The following ADGRV1 variants were observed in gnomAD, a reference collection of about 807,000 sequenced individuals.
The protein encoded by ADGRV1 is adhesion G protein-coupled receptor V1.
ADGRV1 carries 359 observed loss-of-function variants against 596.2 expected under a neutral mutation model. The observed-to-expected ratio is 0.60, with a 90% CI of 0.55 to 0.66. The LOEUF is 0.66. ADGRV1 is among the 30% of genes least tolerant of loss of function. The pLI is 0.00. For synonymous variants in ADGRV1, 2,681 were observed against 2,679.2 expected (o/e 1.00, Z -0.02); for missense variants, 7,274 against 7,575.6 (o/e 0.96, Z 1.48).
intron 42 of ADGRV1, among the ~76,000 whole-genome samples, chr5:90,712,995 T>TAAGAAAGAGACAAAGGAG (rs1749580174): frequency 6.6e-6 from 1 of 151,976 alleles, no homozygotes. Flanking sequence ...TTAGAGAAGG[T>TAAGAAAGAGACAAAGGAG]AAGAAAGAGA....
chr5:91,007,388 T>G (rs947325937), intron 85 of ADGRV1, among the ~76,000 whole-genome samples: 4 of 149,684 alleles, frequency 2.7e-5, no homozygotes, highest in African/African-American at 7.5e-5. Flanking sequence ...ATTCTTTTCC[T>G]CCTTTGATCT....
At chr5:91,130,051 T>C (rs1161496903) in intron 87 of ADGRV1, among the ~76,000 whole-genome samples, 1 of 152,152 alleles carries the variant, frequency 6.6e-6, no homozygotes, top group African/African-American at 2.4e-5. Flanking sequence ...GGATTGGTGG[T>C]CAGAAGTTGG....
At chr5:90,687,974 T>C (rs756169472) in intron 29 of ADGRV1, among the ~76,000 whole-genome samples, 3 of 152,080 alleles carry the variant, frequency 2.0e-5, no homozygotes, top group African/African-American at 7.2e-5. Flanking sequence ...GCCATACTGC[T>C]CAAGGTAATT....
chr5:90,659,815 G>T (rs1170674706), intron 21 of ADGRV1, among the ~76,000 whole-genome samples: 1 of 152,092 alleles, frequency 6.6e-6, no homozygotes, highest in African/African-American at 2.4e-5. Flanking sequence ...GGCGGATCAT[G>T]AGGTCAGAAG....
intron 85 of ADGRV1, among the ~76,000 whole-genome samples, chr5:91,066,602 G>A (rs1320193789): frequency 1.3e-5 from 2 of 152,160 alleles, no homozygotes; most frequent in Admixed American, 1.3e-4. Context: ...CATAATTTGG[G>A]GATGTGGAAT....
chr5:90,710,597 AT>A (rs1001635929), intron 39 of ADGRV1, among the ~76,000 whole-genome samples: 25 of 145,334 alleles, frequency 1.7e-4, no homozygotes, highest in Admixed American at 6.2e-4. Flanking sequence ...TTTATTTTTC[AT>A]TTTTTTTTGC....
At chr5:91,073,977 C>T (rs1435559343) in intron 86 of ADGRV1, among the ~76,000 whole-genome samples, 1 of 152,164 alleles carries the variant, frequency 6.6e-6, no homozygotes, top group Non-Finnish European at 1.5e-5. Context: ...GGATGACAGG[C>T]GTGAGCCACC....
At chr5:90,558,997 A>C in intron 1 of ADGRV1, 80 bp downstream of exon 1, 5 of 1,301,570 alleles carry the variant, frequency 3.8e-6, no homozygotes, top group Non-Finnish European at 5.2e-6. Flanking sequence ...CTGTTGCTGC[A>C]GGTGGGCGGC....
intron 1 of ADGRV1, among the ~76,000 whole-genome samples, chr5:90,593,493 T>C (rs1002733265): frequency 6.6e-6 from 1 of 152,166 alleles, no homozygotes; most frequent in Non-Finnish European, 1.5e-5. Flanking sequence ...GAGAAATACC[T>C]AATATAAACG....
At chr5:90,906,604 A>G (rs576211042) in intron 83 of ADGRV1, among the ~76,000 whole-genome samples, 5 of 152,052 alleles carry the variant, frequency 3.3e-5, no homozygotes, top group African/African-American at 4.8e-5. Flanking sequence ...CTGATTTTAT[A>G]TATTTGGATC....
chr5:90,964,949 T>C (rs1188319413), intron 83 of ADGRV1, among the ~76,000 whole-genome samples: 1 of 152,176 alleles, frequency 6.6e-6, no homozygotes, highest in African/African-American at 2.4e-5. Context: ...AATTTGAATT[T>C]TTAAACTCAT....
intron 43 of ADGRV1, among the ~76,000 whole-genome samples, chr5:90,719,802 T>G (rs543974112): frequency 6.6e-6 from 1 of 152,342 alleles, no homozygotes; most frequent in African/African-American, 2.4e-5. Flanking sequence ...TAATCAATGT[T>G]ATTTTAAAAT....
At position 90,651,736 on chromosome 5, in the gene ADGRV1, C is replaced by A; in HGVS notation, c.3416+6C>A. ...GGAAAGACTAATGCATTTTGGTAAG[C>A]ATATGTAGATAAGGCAAGTTTAAAA... On this transcript the variant is annotated splice_donor_region_variant and intron_variant, in intron 18 of 89. Coordinates refer to ENST00000405460, the MANE Select transcript of ADGRV1 (RefSeq NM_032119.4). 6.3e-7 allele frequency: 1 copy of A among 1,587,642 alleles called. No individual in the cohort carries two copies. Among genetic ancestry groups the A allele is most frequent in the Non-Finnish European group, 8.6e-7 (1 of 1,158,488 alleles).
rs1289439254 is a variant in ADGRV1 at position 90,815,603 on chromosome 5, C to T, written c.16079-16C>T. 3 of 1,340,764 alleles carry T rather than the reference C, an allele frequency of 2.2e-6. No homozygotes were observed. The South Asian group carries it at 3.8e-5, about 17-fold the overall frequency. The allele number at this position is 1,340,764 out of a possible 1,614,324, so 83.1% of individuals were successfully genotyped here. A position where few individuals can be genotyped will look rare whatever the true frequency, so the allele number is the denominator to read the frequency against. On this transcript the variant is annotated splice_polypyrimidine_tract_variant and intron_variant, in intron 74 of 89. Transcript: ENST00000405460. ...TAATTCTTGAATATATTATAGCCCT[C>T]CATTCTTTTTTTCAGGGAGTGACCT...
intron 70 of ADGRV1, among the ~76,000 whole-genome samples, chr5:90,796,789 C>G (rs1021448935): frequency 6.6e-6 from 1 of 152,188 alleles, no homozygotes; most frequent in African/African-American, 2.4e-5. Flanking sequence ...ACAAACCCTA[C>G]AAGCCAGAAG....
intron 85 of ADGRV1, among the ~76,000 whole-genome samples, chr5:91,052,483 G>A (rs553432216): frequency 6.6e-6 from 1 of 150,900 alleles, no homozygotes; most frequent in South Asian, 2.1e-4. Context: ...CCAGGCTGGA[G>A]TGCAGTGGCA....
At chr5:90,919,671 T>A (rs1406733704) in intron 83 of ADGRV1, among the ~76,000 whole-genome samples, 2 of 152,152 alleles carry the variant, frequency 1.3e-5, no homozygotes. Context: ...TGAGAACTCA[T>A]TAAATGTATG....
intron 74 of ADGRV1, among the ~76,000 whole-genome samples, chr5:90,815,092 T>G (rs1018567422): frequency 4.6e-5 from 7 of 152,186 alleles, no homozygotes; most frequent in African/African-American, 1.7e-4. Context: ...TGTTTTGTTC[T>G]GGGGCAAATA....
chr5:90,820,559 G>A (rs546665329), intron 75 of ADGRV1, among the ~76,000 whole-genome samples: 9 of 151,870 alleles, frequency 5.9e-5, no homozygotes, highest in Admixed American at 5.2e-4. Flanking sequence ...GGTACCGGTT[G>A]TTCCTTTCCA....
Sources: allele counts gnomAD v4.1 joint callset (sites outside exome capture counted in the v4.1 genomes callset), GRCh38; gene constraint gnomAD v4.1.1; transcripts MANE v1.5; gene names NCBI Gene and HGNC (gene_info 2026-07-23, HGNC 2026-07-21).